Variants in ITGAM observed in about 807,000 individuals in gnomAD.
The protein encoded by ITGAM is integrin subunit alpha M.
ITGAM carries 79 observed loss-of-function variants against 137.5 expected under a neutral mutation model. The observed-to-expected ratio is 0.57, with a 90% CI of 0.48 to 0.69. The LOEUF (loss-of-function observed/expected upper bound fraction) is 0.69, where lower values mean the gene tolerates loss of function less well. ITGAM is among the 30% of genes least tolerant of loss of function. The pLI is 0.00. For synonymous variants in ITGAM, 583 were observed against 592.3 expected, an observed-to-expected ratio of 0.98 and a Z score of 0.23; for missense variants, 1,343 against 1,483.5, an observed-to-expected ratio of 0.91 and a Z score of 1.56.
Position 31,326,863 on chromosome 16 carries a change from T to C in ITGAM, c.2636T>C (p.Phe879Ser), listed in dbSNP as rs759195723. Reference protein sequence around the residue: ...PIFPENSEVTFNITFDVDSKA... With the variant: ...PIFPENSEVTSNITFDVDSKA... Reference sequence around the variant, plus strand: ...TCCTTTCTCTCACTCCAGGTCACCTTTAATATCACGTTTGATGTAGACTCT... The same window carrying C: ...TCCTTTCTCTCACTCCAGGTCACCTCTAATATCACGTTTGATGTAGACTCT... Residue 879 changes from phenylalanine to serine, a missense_variant, in exon 22 of 30, where the codon TTT becomes TCT. By Grantham distance (155) the Phe-to-Ser change is radical (BLOSUM62 -2). Transcript: ENST00000544665. 6.8e-6 allele frequency: 11 copies of C among 1,610,918 alleles called. No homozygotes were observed. Among genetic ancestry groups the C allele is most frequent in the Non-Finnish European group, 8.5e-6 (10 of 1,177,046 alleles).
chr16:31,323,585 A>T, intron 16 of ITGAM, among the ~76,000 whole-genome samples: 1 of 152,330 alleles, frequency 6.6e-6, no homozygotes, highest in Middle Eastern at 3.4e-3. Flanking sequence ...AGTCAGAAAA[A>T]TACAATAAAT....
chr16:31,281,635 G>A lies in ITGAM; in HGVS notation c.1356+3526G>A, dbSNP rs191042805. Among the ~76,000 whole-genome samples the A allele has an allele frequency of 2.9e-4, 44 of 151,912 alleles. 1 individual carries two copies. The highest frequency in any genetic ancestry group is 1.8e-3 in the Admixed American group (27 of 15,254). On this transcript the variant is annotated intron_variant, in intron 12 of 29. Coordinates refer to ENST00000544665, the MANE Select transcript of ITGAM (RefSeq NM_000632.4). The stretch of plus-strand genomic sequence containing the variant: ...TTTCTTCTTTATTAGTCTTGCTAGC[G>A]GTCTATCAGTTTTGTTGATCTTTTC...
chr16:31,331,860 C>CGTGTGTACGA lies in ITGAM; in HGVS notation c.*159_*160insACGAGTGTGT. 1 of 609,322 alleles carries CGTGTGTACGA rather than the reference C, an allele frequency of 1.6e-6. No individual in the cohort carries two copies. Among genetic ancestry groups the CGTGTGTACGA allele is most frequent in the Non-Finnish European group, 2.9e-6 (1 of 344,926 alleles). The allele number at this position is 609,322 out of a possible 1,614,324, so 37.7% of individuals were successfully genotyped here. ...TTGTGTGTGTGCAAGTGTGTATGTG[C>CGTGTGTACGA]GTGTGTGCAAGTGTCTGTGTGCAAG... On this transcript the variant is annotated 3_prime_UTR_variant, in exon 30 of 30. Transcript: ENST00000544665.
At position 31,324,687 on chromosome 16, in the gene ITGAM, C is replaced by T. The variant is rs530372107; in HGVS notation, c.2194C>T (p.Arg732Cys). ...GGACCCAGTGAGCCCCATTGTGCTG[C>T]GCCTGAACTTCTCTCTGGTGGGAAC... The part of the protein sequence containing the change: ...IEDPVSPIVL[R>C]LNFSLVGTPL... Residue 732 changes from arginine to cysteine, a missense_variant, in exon 18 of 30, where the codon CGC (arginine) becomes TGC (cysteine). Physicochemically the swap from Arg to Cys is radical, Grantham distance 180. Transcript: ENST00000544665. The surrounding 1 kb of genome is among the most constrained non-coding windows in gnomAD (Gnocchi z 4.5). 1.2e-5 allele frequency: 19 copies of T among 1,602,190 alleles called. No individual in the cohort carries two copies. The highest frequency in any genetic ancestry group is 1.7e-4 in the Middle Eastern group (1 of 5,984).
chr16:31,264,260 A>G (rs1367796317), intron 2 of ITGAM, among the ~76,000 whole-genome samples: 1 of 151,972 alleles, frequency 6.6e-6, no homozygotes. Context: ...TACCCTGGCC[A>G]ACATAAGGAA....
At position 31,324,482 on chromosome 16, in the gene ITGAM, A is replaced by T. The variant is rs2080484392; in HGVS notation, c.2086A>T (p.Asn696Tyr). The change falls in exon 17 of 30, where the codon AAC (asparagine) becomes TAC (tyrosine). Residue 696 changes from asparagine (N) to tyrosine (Y), a missense_variant. Physicochemically the swap from Asn to Tyr is moderately radical, Grantham distance 143 (BLOSUM62 -2). Coordinates refer to ENST00000544665, the MANE Select transcript of ITGAM (RefSeq NM_000632.4). The surrounding 1 kb of genome is among the most constrained non-coding windows in gnomAD (Gnocchi z 4.5). ...HSRAVFNETK[N>Y]STRRQTQVLG... is the part of the protein sequence containing the mutation. ...CCGCGCCGTCTTCAATGAGACAAAG[A>T]ACAGCACACGCAGACAGACACAGGT... 6.3e-7 allele frequency: 1 copy of T among 1,591,378 alleles called. No homozygotes were observed. The highest frequency in any genetic ancestry group is 8.6e-7 in the Non-Finnish European group (1 of 1,169,320).
At position 31,297,475 on chromosome 16, in the gene ITGAM, G is replaced by A. The variant is rs1567264668; in HGVS notation, c.1357-39G>A. On this transcript the variant is annotated intron_variant, in intron 12 of 29. Transcript: ENST00000544665. The stretch of plus-strand genomic sequence containing the variant: ...GAGAAAACCTCCACATCTGCTTTAG[G>A]TGGGAAGAGGTGTGTGATTACGGTC... The A allele has an allele frequency of 1.9e-6, 3 of 1,610,746 alleles. No homozygotes were observed. The South Asian group carries it at 3.3e-5, about 18-fold the overall frequency.
chr16:31,263,505 A>G (rs1391705302), intron 2 of ITGAM, among the ~76,000 whole-genome samples: 1 of 151,934 alleles, frequency 6.6e-6, no homozygotes, highest in African/African-American at 2.4e-5. Context: ...ATACTCCCTC[A>G]CTCATTTGCC....
At position 31,299,035 on chromosome 16, in the gene ITGAM, G is replaced by A. The variant is rs185142548; in HGVS notation, c.1707+1081G>A. On this transcript the variant is annotated intron_variant, in intron 14 of 29. Coordinates refer to ENST00000544665, the MANE Select transcript of ITGAM (RefSeq NM_000632.4). ...AGACCATCTAGTTTTCTGGCCTCTGGTCTCTGGGTTTTTGCTAGCCTTACA... is the reference window on the plus strand; with the variant it reads ...AGACCATCTAGTTTTCTGGCCTCTGATCTCTGGGTTTTTGCTAGCCTTACA... Among the ~76,000 whole-genome samples, 7 of 152,110 alleles carry A rather than the reference G, an allele frequency of 4.6e-5. No individual in the cohort carries two copies. The East Asian group carries it at 1.2e-3, about 25-fold the overall frequency.
At chr16:31,325,073 G>T (rs202150443) in intron 19 of ITGAM, 42 bp downstream of exon 19, 2 of 1,534,596 alleles carry the variant, frequency 1.3e-6, no homozygotes, top group Non-Finnish European at 1.8e-6. Context: ...AGAAGGACCC[G>T]TACCATGACC....
chr16:31,330,154 C>T lies in ITGAM; in HGVS notation c.3050C>T (p.Ala1017Val), dbSNP rs768713771. ...HSDFLAELRK[A>V]PVVNCSIAVC... The stretch of plus-strand genomic sequence containing the variant: ...GACTTTCTGGCTGAGCTTCGGAAGG[C>T]CCCCGTGGTGGTGAGAAGCTAAGTC... The change falls in exon 26 of 30, where the codon GCC (alanine) becomes GTC (valine). Residue 1017 changes from alanine (A) to valine (V), a missense_variant. Coordinates refer to ENST00000544665, the MANE Select transcript of ITGAM (RefSeq NM_000632.4). 6.2e-7 allele frequency: 1 copy of T among 1,613,226 alleles called. No homozygotes were observed. The highest frequency in any genetic ancestry group is 2.2e-5 in the East Asian group (1 of 44,858).
At chr16:31,322,118 T>C (rs1192865228) in intron 16 of ITGAM, among the ~76,000 whole-genome samples, 1 of 152,142 alleles carries the variant, frequency 6.6e-6, no homozygotes, top group African/African-American at 2.4e-5. Context: ...TAACTGTCTC[T>C]AGTAATGACA....
At position 31,330,438 on chromosome 16, in the gene ITGAM, G is replaced by T. The variant is rs1406839097; in HGVS notation, c.3174+17G>T. The T allele has an allele frequency of 3.7e-6, 6 of 1,612,058 alleles. No individual in the cohort carries two copies. In the South Asian group the frequency reaches 6.6e-5, roughly 18 times the overall value. Reference sequence around the variant, plus strand: ...TACATCAAGGTGTGTGGGGTCCTGAGGCTTCGCCGGGCACAGGCGTGGTGC... The same window carrying T: ...TACATCAAGGTGTGTGGGGTCCTGATGCTTCGCCGGGCACAGGCGTGGTGC... On this transcript the variant is annotated intron_variant, in intron 27 of 29. Coordinates refer to ENST00000544665, the MANE Select transcript of ITGAM (RefSeq NM_000632.4).
At chr16:31,277,925 G>A (rs61758328) in intron 11 of ITGAM, 42 bp from the exon 12 acceptor site, 82 of 1,549,354 alleles carry the variant, frequency 5.3e-5, no homozygotes, top group Middle Eastern at 3.5e-4. Context: ...GGTGGAGGAG[G>A]GGGCAGGGAA....
chr16:31,272,446 T>C (rs2079854917), intron 7 of ITGAM, among the ~76,000 whole-genome samples: 1 of 11,974 alleles, frequency 8.4e-5, no homozygotes, highest in South Asian at 2.6e-3. Flanking sequence ...TATATATATA[T>C]ATATATATAT....
At chr16:31,270,699 G>GTATATATATATATATATATA (rs869206231) in intron 5 of ITGAM, among the ~76,000 whole-genome samples, 1 of 25,998 alleles carries the variant, frequency 3.8e-5, no homozygotes, top group Non-Finnish European at 7.8e-5. Flanking sequence ...GTGTGTGTGT[G>GTATATATATATATATATATA]TATATATATA....
chr16:31,325,600 C>G lies in ITGAM; in HGVS notation c.2606C>G (p.Pro869Arg). The G allele has an allele frequency of 1.2e-6, 2 of 1,613,856 alleles. No homozygotes were observed. The highest frequency in any genetic ancestry group is 1.1e-5 in the South Asian group (1 of 91,068). Residue 869 changes from proline to arginine, a missense_variant, in exon 21 of 30, where the codon CCC becomes CGC. By Grantham distance (103) the Pro-to-Arg change is moderately radical. Transcript: ENST00000544665. ...AGCACCAGCTGCAGCATAAACCACC[C>G]CATCTTCCCGGAAAACTCAGAGGTC... Reference protein sequence around the residue: ...LKSTSCSINHPIFPENSEVTF... With the variant: ...LKSTSCSINHRIFPENSEVTF...
intron 10 of ITGAM, 35 bp from the exon 11 acceptor site, chr16:31,276,881 TCTTC>T: frequency 6.3e-7 from 1 of 1,599,166 alleles, no homozygotes; most frequent in Non-Finnish European, 8.5e-7. Flanking sequence ...GGTTGTCCCT[TCTTC>T]CTTCCTCATC....
intron 12 of ITGAM, among the ~76,000 whole-genome samples, chr16:31,288,850 A>C (rs2080056751): frequency 6.6e-6 from 1 of 152,208 alleles, no homozygotes; most frequent in African/African-American, 2.4e-5. Flanking sequence ...AATTTTTGCA[A>C]TCTACTCATC....
Sources: gnomAD v4.1 joint callset for allele counts (sites outside exome capture counted in the v4.1 genomes callset) on GRCh38, gnomAD v4.1.1 for gene constraint, Gnocchi (gnomAD v3.1) non-coding constraint, MANE v1.5 for transcripts, NCBI Gene and HGNC (gene_info 2026-07-23, HGNC 2026-07-21) for gene names.